The following ENTREP1 variants were observed in gnomAD, a reference collection of about 807,000 sequenced individuals.
The protein encoded by ENTREP1 is Friedreich ataxia region gene X123.
the ENTREP1 span, among the ~76,000 whole-genome samples, chr9:69,362,873 C>T: frequency 0.28 from 41,824 of 152,064 alleles, 6,057 homozygotes; most frequent in African/African-American, 0.37. Flanking sequence ...CATCGGACTC[C>T]GAGTTCTTCA....
the ENTREP1 span, chr9:69,385,744 G>A: frequency 6.9e-7 from 1 of 1,452,188 alleles, no homozygotes; most frequent in Non-Finnish European, 9.0e-7. Context: ...CAGCTGGTGA[G>A]ATAATTTATG....
the ENTREP1 span, among the ~76,000 whole-genome samples, chr9:69,341,752 T>C: frequency 3.3e-5 from 5 of 152,210 alleles, no homozygotes; most frequent in Non-Finnish European, 7.3e-5. Context: ...ATTTACAAAA[T>C]GAGCTGTGAA....
chr9:69,354,119 T>C, the ENTREP1 span, among the ~76,000 whole-genome samples: 1 of 152,110 alleles, frequency 6.6e-6, no homozygotes, highest in Admixed American at 6.6e-5. Flanking sequence ...GCTCATCAAG[T>C]ATCTAGGCAT....
the ENTREP1 span, among the ~76,000 whole-genome samples, chr9:69,378,586 G>A: frequency 5.3e-4 from 80 of 151,790 alleles, no homozygotes; most frequent in Admixed American, 3.0e-3. Context: ...GCTAACCCCC[G>A]TCTCTACTAA....
At chr9:69,325,560 C>G in the ENTREP1 span, 1 of 1,207,930 alleles carries the variant, frequency 8.3e-7, no homozygotes, top group Non-Finnish European at 1.0e-6. Flanking sequence ...GCCGCTGCCG[C>G]CGCGGCCCCG....
the ENTREP1 span, among the ~76,000 whole-genome samples, chr9:69,356,308 T>C: frequency 6.6e-6 from 1 of 152,234 alleles, no homozygotes; most frequent in East Asian, 1.9e-4. Context: ...TTGGAGCATG[T>C]GTTAGAACTT....
At chr9:69,344,299 A>G in the ENTREP1 span, among the ~76,000 whole-genome samples, 1 of 152,178 alleles carries the variant, frequency 6.6e-6, no homozygotes. Flanking sequence ...AAAAAACACC[A>G]AGTGATCATA....
At chr9:69,351,514 T>C in the ENTREP1 span, among the ~76,000 whole-genome samples, 2 of 152,226 alleles carry the variant, frequency 1.3e-5, no homozygotes, top group African/African-American at 4.8e-5. Context: ...CCTCGCGGGT[T>C]CAAGTGATTC....
chr9:69,367,822 TAA>T, the ENTREP1 span, among the ~76,000 whole-genome samples: 945 of 111,652 alleles, frequency 8.5e-3, 42 homozygotes, highest in Non-Finnish European at 0.013. Context: ...CACATATATA[TAA>T]ATATATATAT....
the ENTREP1 span, among the ~76,000 whole-genome samples, chr9:69,354,489 C>T: frequency 6.6e-6 from 1 of 152,144 alleles, no homozygotes; most frequent in African/African-American, 2.4e-5. Context: ...AACTTCTAAA[C>T]TCAGGTGATC....
the ENTREP1 span, chr9:69,385,816 C>T: frequency 2.6e-6 from 4 of 1,568,316 alleles, no homozygotes; most frequent in Non-Finnish European, 3.4e-6. Context: ...CCTAACATAC[C>T]TGCCGAAGAA....
the ENTREP1 span, chr9:69,383,543 T>G: frequency 6.3e-7 from 1 of 1,579,408 alleles, no homozygotes; most frequent in Non-Finnish European, 8.6e-7. Flanking sequence ...TCCCCACAGT[T>G]TAGAGCAAAG....
At chr9:69,332,510 C>T in the ENTREP1 span, among the ~76,000 whole-genome samples, 1 of 152,188 alleles carries the variant, frequency 6.6e-6, no homozygotes, top group Admixed American at 6.6e-5. Flanking sequence ...CTTTGTATTT[C>T]TCCCCAGTGA....
At chr9:69,332,563 G>A in the ENTREP1 span, among the ~76,000 whole-genome samples, 1 of 152,046 alleles carries the variant, frequency 6.6e-6, no homozygotes, top group Non-Finnish European at 1.5e-5. Context: ...GATTATTGAT[G>A]TTTCTCATTT....
At chr9:69,351,552 G>A in the ENTREP1 span, among the ~76,000 whole-genome samples, 8 of 152,166 alleles carry the variant, frequency 5.3e-5, no homozygotes, top group Admixed American at 5.2e-4. Flanking sequence ...GAGTAGCTGG[G>A]ACTACAGACA....
At chr9:69,389,213 C>A in the ENTREP1 span, among the ~76,000 whole-genome samples, 1 of 152,106 alleles carries the variant, frequency 6.6e-6, no homozygotes, top group African/African-American at 2.4e-5. Context: ...GACAGCACCC[C>A]ACAATGGCGT....
the ENTREP1 span, chr9:69,386,718 T>C: frequency 6.6e-6 from 1 of 152,280 alleles, no homozygotes; most frequent in Non-Finnish European, 1.5e-5. Context: ...CCCTGCTCTC[T>C]CTAAGGTCCT....
At chr9:69,353,135 T>C in the ENTREP1 span, among the ~76,000 whole-genome samples, 2 of 152,140 alleles carry the variant, frequency 1.3e-5, no homozygotes, top group East Asian at 3.9e-4. Context: ...ACACCCTACC[T>C]CTAAGAAAAA....
the ENTREP1 span, among the ~76,000 whole-genome samples, chr9:69,379,121 A>G: frequency 6.6e-6 from 1 of 152,180 alleles, no homozygotes; most frequent in African/African-American, 2.4e-5. Context: ...GAGGGCCAGA[A>G]ATTTCTATTT....
Sources: gnomAD v4.1 joint callset for allele counts (sites outside exome capture counted in the v4.1 genomes callset) on GRCh38, gnomAD v4.1.1 for gene constraint, MANE v1.5 for transcripts, NCBI Gene and HGNC (gene_info 2026-07-23, HGNC 2026-07-21) for gene names.